BBOF1: variants seen among roughly 807,000 people sequenced by gnomAD.
The protein encoded by BBOF1 is basal body-orientation factor 1.
Under a neutral mutation model 68.0 loss-of-function variants are expected in BBOF1, and 62 were observed. That is an observed-to-expected ratio of 0.91 (90% CI 0.74 to 1.13). BBOF1 has a LOEUF of 1.13. Among genes scored for constraint, BBOF1 ranks in the 50% most tolerant of loss-of-function variants. The pLI, the probability that BBOF1 is intolerant of heterozygous loss-of-function variation, is 0.00. For synonymous variants in BBOF1, 208 were observed against 198.8 expected (o/e 1.05, Z -0.39); for missense variants, 534 against 600.1 (o/e 0.89, Z 1.15).
At chr14:74,077,629 G>A (rs2060626269) in intron 9 of BBOF1, among the ~76,000 whole-genome samples, 1 of 152,114 alleles carries the variant, frequency 6.6e-6, no homozygotes, top group African/African-American at 2.4e-5. Flanking sequence ...TCTCAAAAGA[G>A]CAAGAATTCA....
chr14:74,026,972 A>G lies in BBOF1; in HGVS notation c.286-2212A>G, dbSNP rs12890051. The stretch of plus-strand genomic sequence containing the variant: ...AAAAACTGCAGTTGCTTTTGCACTG[A>G]CCTAATAAATAACAACAGTAATAGA... On this transcript the variant is annotated intron_variant, in intron 2 of 11. Coordinates refer to ENST00000394009, the MANE Select transcript of BBOF1 (RefSeq NM_025057.3). 2.0e-5 allele frequency among the ~76,000 whole-genome samples: 3 copies of G among 151,814 alleles called. No homozygotes were observed. In the South Asian group the frequency reaches 6.2e-4, roughly 31 times the overall value.
chr14:74,077,610 C>A (rs1360834785), intron 9 of BBOF1, among the ~76,000 whole-genome samples: 1 of 152,126 alleles, frequency 6.6e-6, no homozygotes, highest in Non-Finnish European at 1.5e-5. Context: ...CCCATGGGAA[C>A]TAATCCAGTC....
In BBOF1 at chr14:74,034,133, C is replaced by A; in HGVS notation, c.457C>A (p.Gln153Lys). ...HTELKAVRQF[Q>K]KRKIQVEREL... ...AGAGCTGAAAGCAGTAAGACAATTCCAGAAGAGAAAAATCCAAGTGGAGAG... is the reference window on the plus strand; with the variant it reads ...AGAGCTGAAAGCAGTAAGACAATTCAAGAAGAGAAAAATCCAAGTGGAGAG... The change falls in exon 4 of 12, where the codon CAG (glutamine) becomes AAG (lysine). Residue 153 changes from glutamine (Q) to lysine (K), a missense_variant. Physicochemically the swap from Gln to Lys is moderately conservative, Grantham distance 53 (BLOSUM62 1). Coordinates refer to ENST00000394009, the MANE Select transcript of BBOF1 (RefSeq NM_025057.3). The A allele has an allele frequency of 6.3e-7, 1 of 1,586,972 alleles. No individual in the cohort carries two copies. Among genetic ancestry groups the A allele is most frequent in the African/African-American group, 1.4e-5 (1 of 73,686 alleles).
Position 74,072,618 on chromosome 14 carries a change from AAAAC to A in BBOF1, n.1380-5554_1380-5551del, listed in dbSNP as rs370924173. 23,714 of 1,606,608 alleles carry A rather than the reference AAAAC, an allele frequency of 0.015. 767 individuals carry two copies. Among genetic ancestry groups the A allele is most frequent in the African/African-American group, 0.13 (9,385 of 74,748 alleles). On this transcript the variant is annotated intron_variant and non_coding_transcript_variant, in intron 9 of 12. Transcript: ENST00000492026. Reference sequence around the variant, plus strand: ...TGAAGAGCTTTACAGTTGGCTGAAAAAAACAAACAAACAAACAAACAAACAAAAA... The same window carrying A: ...TGAAGAGCTTTACAGTTGGCTGAAAAAAACAAACAAACAAACAAACAAAAA...
downstream of BBOF1, among the ~76,000 whole-genome samples, chr14:74,067,129 AC>A (rs2139773594): frequency 6.6e-6 from 1 of 152,256 alleles, no homozygotes; most frequent in Admixed American, 6.5e-5. Context: ...CAGGAGGATC[AC>A]TTGAGCCCAA....
In BBOF1 at chr14:74,055,578, C is replaced by A. The variant is rs751580247; in HGVS notation, c.1287-6C>A. On this transcript the variant is annotated splice_polypyrimidine_tract_variant and splice_region_variant and intron_variant, in intron 8 of 11. Coordinates refer to ENST00000394009, the MANE Select transcript of BBOF1 (RefSeq NM_025057.3). ...TTTCACATTTTTTTCCTTTGAAATT[C>A]TTTAGGACACATATTGAAGGAAATG... 1.3e-6 allele frequency: 2 copies of A among 1,599,528 alleles called. No homozygotes were observed. Among genetic ancestry groups the A allele is most frequent in the South Asian group, 1.1e-5 (1 of 89,270 alleles).
intron 4 of BBOF1, among the ~76,000 whole-genome samples, chr14:74,039,945 G>A (rs2059795388): frequency 6.6e-6 from 1 of 152,040 alleles, no homozygotes. Context: ...AAACTTGTAT[G>A]TTGATACTAA....
At chr14:74,019,766 G>T (rs75247454) in intron 1 of BBOF1, among the ~76,000 whole-genome samples, 4,029 of 152,332 alleles carry the variant, frequency 0.026, 154 homozygotes, top group African/African-American at 0.091. Context: ...CCTTTTCAGA[G>T]ATCTCTTTTG....
intron 9 of BBOF1, chr14:74,072,342 C>G (rs760122833): frequency 6.2e-7 from 1 of 1,614,016 alleles, no homozygotes; most frequent in African/African-American, 1.3e-5. Flanking sequence ...CTGAGGGACC[C>G]GACCAATGAC....
chr14:74,077,313 G>A (rs189279713), intron 9 of BBOF1, among the ~76,000 whole-genome samples: 42 of 152,170 alleles, frequency 2.8e-4, no homozygotes, highest in African/African-American at 9.2e-4. Flanking sequence ...AATACTTCCC[G>A]TTTCAGGCTT....
chr14:74,048,983 C>T (rs1031359757), intron 7 of BBOF1, among the ~76,000 whole-genome samples: 4 of 152,120 alleles, frequency 2.6e-5, no homozygotes, highest in Non-Finnish European at 5.9e-5. Flanking sequence ...AGTGATTCTC[C>T]TGACCCAGCC....
At chr14:74,071,598 G>A (rs1179801756) in intron 9 of BBOF1, 2 of 1,600,914 alleles carry the variant, frequency 1.2e-6, no homozygotes, top group Non-Finnish European at 1.7e-6. Context: ...TCAGGCCAAT[G>A]AAGGGGTGCA....
intron 5 of BBOF1, among the ~76,000 whole-genome samples, chr14:74,041,045 C>T (rs1255512119): frequency 6.6e-6 from 1 of 152,154 alleles, no homozygotes; most frequent in Admixed American, 6.6e-5. Context: ...AGGCTGGGCA[C>T]GGTGGCTCAC....
chr14:74,071,879 A>G, intron 9 of BBOF1: 3 of 1,613,498 alleles, frequency 1.9e-6, no homozygotes, highest in Non-Finnish European at 2.5e-6. Context: ...AAGTCCCATA[A>G]GGGGCTCCCA....
Position 74,034,148 on chromosome 14 carries a change from C to G in BBOF1, c.472C>G (p.Gln158Glu), listed in dbSNP as rs2059643753. ...AAGACAATTCCAGAAGAGAAAAATC[C>G]AAGTGGAGAGAGAGTTAGATGATGT... ...AVRQFQKRKIQVERELDDLKE... is the reference protein window; with the variant it reads ...AVRQFQKRKIEVERELDDLKE... The change falls in exon 4 of 12, where the codon CAA (glutamine) becomes GAA (glutamate). Residue 158 changes from glutamine to glutamate, a missense_variant. Transcript: ENST00000394009. The G allele has an allele frequency of 3.8e-6, 6 of 1,575,444 alleles. No individual in the cohort carries two copies. Among genetic ancestry groups the G allele is most frequent in the Non-Finnish European group, 5.2e-6 (6 of 1,162,986 alleles).
At chr14:74,042,765 G>GTCACTGTA (rs1192172953) in intron 5 of BBOF1, among the ~76,000 whole-genome samples, 5 of 152,004 alleles carry the variant, frequency 3.3e-5, no homozygotes, top group Non-Finnish European at 1.5e-5. Flanking sequence ...CCATGATTGT[G>GTCACTGTA]TCACTGTATT....
chr14:74,053,909 C>G (rs1177953443), intron 8 of BBOF1, among the ~76,000 whole-genome samples: 1 of 151,888 alleles, frequency 6.6e-6, no homozygotes, highest in Non-Finnish European at 1.5e-5. Context: ...AGTCTTCGCT[C>G]TGTCACCCAG....
At chr14:74,023,665 C>G (rs531655353) in intron 2 of BBOF1, among the ~76,000 whole-genome samples, 1 of 152,128 alleles carries the variant, frequency 6.6e-6, no homozygotes, top group South Asian at 2.1e-4. Context: ...CCTGTAATCC[C>G]ACCACTTTGG....
intron 7 of BBOF1, chr14:74,048,710 T>C (rs2060002551): frequency 6.6e-6 from 1 of 152,190 alleles, no homozygotes; most frequent in Admixed American, 6.6e-5. Context: ...ATGGTTATGC[T>C]GAACTTCAAG....
Sources: allele counts gnomAD v4.1 joint callset (sites outside exome capture counted in the v4.1 genomes callset), GRCh38; gene constraint gnomAD v4.1.1; transcripts MANE v1.5; gene names NCBI Gene and HGNC (gene_info 2026-07-23, HGNC 2026-07-21).